The following FOXP2 variants were observed in gnomAD, a reference collection of about 807,000 sequenced individuals.
FOXP2 encodes the protein forkhead box P2.
Under a neutral mutation model 115.8 loss-of-function variants are expected in FOXP2, and 12 were observed. The observed-to-expected ratio is 0.10, with a 90% CI of 0.07 to 0.17. FOXP2 has a LOEUF of 0.17. Ranked by LOEUF, FOXP2 falls within the 10% of genes least tolerant of loss-of-function variation. The pLI is 1.00. For missense variants in FOXP2, 629 were observed against 843.5 expected, an observed-to-expected ratio of 0.75 and a Z score of 3.15; for synonymous variants, 328 against 297.7, an observed-to-expected ratio of 1.10 and a Z score of -1.05.
intron 2 of FOXP2, among the ~76,000 whole-genome samples, chr7:114,437,649 A>G (rs1164318576): frequency 2.0e-5 from 3 of 152,212 alleles, no homozygotes; most frequent in South Asian, 4.1e-4. Flanking sequence ...TACTATTTTT[A>G]CTAATAATAA....
At chr7:114,529,290 C>T (rs1799025221) in intron 2 of FOXP2, among the ~76,000 whole-genome samples, 1 of 151,762 alleles carries the variant, frequency 6.6e-6, no homozygotes, top group Non-Finnish European at 1.5e-5. Flanking sequence ...GGGTTTGGAG[C>T]CATAATGAAA....
intron 1 of FOXP2, among the ~76,000 whole-genome samples, chr7:114,215,077 A>G (rs1794452213): frequency 6.6e-6 from 1 of 152,164 alleles, no homozygotes; most frequent in Non-Finnish European, 1.5e-5. Flanking sequence ...AGCATTTTAA[A>G]TGTAGGAGGC....
At position 114,269,061 on chromosome 7, in the gene FOXP2, C is replaced by A. The variant is rs1795971608; in HGVS notation, c.-101-18958C>A. ...TTTTCTTTGTTTCACCTGAAGAAAT[C>A]ATGTCATTTATAACTGAGTATTCTA... On this transcript the variant is annotated intron_variant, in intron 1 of 17. Coordinates refer to the FOXP2 transcript ENST00000634411. Among the ~76,000 whole-genome samples the A allele has an allele frequency of 2.6e-5, 4 of 152,064 alleles. No homozygotes were observed. In the South Asian group the frequency reaches 8.3e-4, roughly 32 times the overall value.
chr7:114,492,219 C>G (rs922436357), intron 2 of FOXP2, among the ~76,000 whole-genome samples: 3 of 152,160 alleles, frequency 2.0e-5, no homozygotes, highest in Non-Finnish European at 4.4e-5. Flanking sequence ...ATAGTATTCT[C>G]TGGTGGCAGT....
intron 6 of FOXP2, 48 bp from the exon 7 acceptor site, chr7:114,642,362 C>T: frequency 2.0e-6 from 3 of 1,477,648 alleles, no homozygotes; most frequent in Non-Finnish European, 2.8e-6. Context: ...ATTATATAAA[C>T]TTTACCTTTA....
chr7:114,516,916 G>T (rs558796420), intron 2 of FOXP2, among the ~76,000 whole-genome samples: 4 of 151,988 alleles, frequency 2.6e-5, no homozygotes, highest in Non-Finnish European at 4.4e-5. Flanking sequence ...GAATGGTCTC[G>T]ATCTCCTGAC....
At chr7:114,567,032 A>C (rs769984523) in intron 3 of FOXP2, among the ~76,000 whole-genome samples, 1 of 152,082 alleles carries the variant, frequency 6.6e-6, no homozygotes, top group Non-Finnish European at 1.5e-5. Flanking sequence ...CTAAAAGGAA[A>C]AAAATATTTC....
At chr7:114,395,758 A>G (rs1469648789) in intron 2 of FOXP2, among the ~76,000 whole-genome samples, 1 of 152,074 alleles carries the variant, frequency 6.6e-6, no homozygotes, top group Non-Finnish European at 1.5e-5. Flanking sequence ...TTCAATTAAC[A>G]TAATGTCCTC....
intron 2 of FOXP2, among the ~76,000 whole-genome samples, chr7:114,392,217 A>C (rs1334871529): frequency 5.3e-5 from 8 of 151,982 alleles, no homozygotes; most frequent in Admixed American, 6.5e-5. Context: ...AATCAAAACC[A>C]GTGTTGAGAT....
At chr7:114,499,786 T>C (rs1797483059) in intron 2 of FOXP2, 1 of 152,196 alleles carries the variant, frequency 6.6e-6, no homozygotes. Flanking sequence ...AACGACAAGT[T>C]GAAGGATTGC....
intron 2 of FOXP2, chr7:114,498,790 T>A (rs1442652720): frequency 1.4e-6 from 1 of 706,366 alleles, no homozygotes; most frequent in African/African-American, 1.8e-5. Flanking sequence ...TTGCAAATAA[T>A]TTTTTTGGGG....
intron 3 of FOXP2, among the ~76,000 whole-genome samples, chr7:114,617,531 C>T (rs180744039): frequency 4.1e-4 from 63 of 152,292 alleles, no homozygotes; most frequent in Admixed American, 3.0e-3. Flanking sequence ...AGGCGGCTCA[C>T]GCGTGTAATC....
intron 2 of FOXP2, among the ~76,000 whole-genome samples, chr7:114,478,337 T>C (rs1404350409): frequency 6.6e-6 from 1 of 151,762 alleles, no homozygotes; most frequent in Non-Finnish European, 1.5e-5. Context: ...GTAGTACAAT[T>C]TGAAACTTAT....
intron 1 of FOXP2, among the ~76,000 whole-genome samples, chr7:114,280,121 T>A (rs546076349): frequency 2.2e-3 from 306 of 137,802 alleles, no homozygotes; most frequent in African/African-American, 7.3e-3. Flanking sequence ...AATAAATAAA[T>A]AAAAACAGGT....
At chr7:114,597,391 T>C (rs1802785175) in intron 3 of FOXP2, among the ~76,000 whole-genome samples, 1 of 152,108 alleles carries the variant, frequency 6.6e-6, no homozygotes, top group Admixed American at 6.6e-5. Context: ...GTATTGGTGG[T>C]CTATGAAGGA....
At chr7:114,313,463 C>T (rs1395108541) in intron 2 of FOXP2, among the ~76,000 whole-genome samples, 1 of 117,864 alleles carries the variant, frequency 8.5e-6, no homozygotes, top group Non-Finnish European at 1.7e-5. Flanking sequence ...AAAATATTGT[C>T]GGCCGGGCGC....
chr7:114,391,582 T>C (rs1162941279), intron 2 of FOXP2, among the ~76,000 whole-genome samples: 3 of 152,220 alleles, frequency 2.0e-5, no homozygotes, highest in African/African-American at 7.2e-5. Flanking sequence ...CCATAGTGCC[T>C]GGCTTGTTCC....
intron 9 of FOXP2, among the ~76,000 whole-genome samples, chr7:114,653,102 T>G (rs1806368829): frequency 6.6e-6 from 1 of 152,288 alleles, no homozygotes; most frequent in East Asian, 1.9e-4. Flanking sequence ...TTACATCTTG[T>G]TTCAAATTCG....
chr7:114,181,411 C>T (rs1793450729), intron 1 of FOXP2, among the ~76,000 whole-genome samples: 1 of 151,852 alleles, frequency 6.6e-6, no homozygotes, highest in Non-Finnish European at 1.5e-5. Context: ...TCATGCCCTC[C>T]ATGTCTCTTT....
Sources: allele counts gnomAD v4.1 joint callset (sites outside exome capture counted in the v4.1 genomes callset), GRCh38; gene constraint gnomAD v4.1.1; transcripts MANE v1.5; gene names NCBI Gene and HGNC (gene_info 2026-07-23, HGNC 2026-07-21).